The following LSS variants were observed in gnomAD, a reference collection of about 807,000 sequenced individuals.
LSS encodes the protein 2,3-epoxysqualene-lanosterol cyclase.
Under a neutral mutation model 110.3 loss-of-function variants are expected in LSS, and 90 were observed. The ratio of observed to expected loss-of-function variants is 0.82; its 90% confidence interval spans 0.69 to 0.97. LSS has a LOEUF of 0.97. LSS is among the 50% of genes least tolerant of loss of function. LSS has a pLI of 0.00. For missense variants in LSS, 927 were observed against 990.0 expected (o/e 0.94, Z 0.85); for synonymous variants, 433 against 400.0 (o/e 1.08, Z -0.98).
rs749141857 is a variant in LSS, at chr21:46,213,822, A to G, written c.1025T>C (p.Ile342Thr). 1.2e-6 allele frequency: 2 copies of G among 1,613,716 alleles called. No homozygotes were observed. The highest frequency in any genetic ancestry group is 4.5e-5 in the East Asian group (2 of 44,858). The change falls in exon 10 of 22, where the codon ATC (isoleucine) becomes ACC (threonine). Residue 342 changes from isoleucine (I) to threonine (T), a missense_variant. Coordinates refer to ENST00000397728, the MANE Select transcript of LSS (RefSeq NM_002340.6). Reference sequence around the variant, plus strand: ...CACATACCAGCGCACAAGCATGTTGATGGTTTTCGAGATCTGCAGGAGAGA... The same window carrying G: ...CACATACCAGCGCACAAGCATGTTGGTGGTTTTCGAGATCTGCAGGAGAGA... ...SISIGPISKT[I>T]NMLVRWYVDG...
intron 3 of LSS, among the ~76,000 whole-genome samples, chr21:46,226,340 G>A (rs567496234): frequency 2.0e-5 from 3 of 152,308 alleles, no homozygotes; most frequent in African/African-American, 7.2e-5. Context: ...GGCAAAGTGG[G>A]GCTGACCCAT....
chr21:46,223,543 C>A (rs1315323578), intron 3 of LSS, among the ~76,000 whole-genome samples: 1 of 152,110 alleles, frequency 6.6e-6, no homozygotes, highest in Non-Finnish European at 1.5e-5. Context: ...GGCAAGAGAC[C>A]GAGGACACGA....
At chr21:46,220,440 A>T (rs2080261132) in intron 5 of LSS, 1 of 152,352 alleles carries the variant, frequency 6.6e-6, no homozygotes, top group African/African-American at 2.4e-5. Context: ...TCAAAGAAGG[A>T]ACACGTAAAG....
At chr21:46,211,029 C>G (rs1328851601) in intron 11 of LSS, among the ~76,000 whole-genome samples, 4 of 152,204 alleles carry the variant, frequency 2.6e-5, no homozygotes, top group Admixed American at 1.3e-4. Context: ...TAGGACTGGA[C>G]GATCCCTTAG....
intron 3 of LSS, among the ~76,000 whole-genome samples, chr21:46,223,856 G>C (rs7281075): frequency 0.05 from 7,661 of 152,254 alleles, 593 homozygotes; most frequent in African/African-American, 0.17. Context: ...GCCCGTTGCC[G>C]AGCGGACGGT....
At position 46,194,593 on chromosome 21, in the gene LSS, C is replaced by G. The variant is rs774239538; in HGVS notation, c.1886G>C (p.Trp629Ser). 14 of 1,613,870 alleles carry G rather than the reference C, an allele frequency of 8.7e-6. No homozygotes were observed. The South Asian group carries it at 1.5e-4, about 18-fold the overall frequency. ...CTCGCAGGACTCAAAGTCCTCCCCCCAGCCTCCGTCTGCCATCTGCCGGGA... is the reference window on the plus strand; with the variant it reads ...CTCGCAGGACTCAAAGTCCTCCCCCGAGCCTCCGTCTGCCATCTGCCGGGA... ...LLSRQMADGG[W>S]GEDFESCEER... The change falls in exon 20 of 22, where the codon TGG (tryptophan) becomes TCG (serine). Residue 629 changes from tryptophan (W) to serine (S), a missense_variant. Trp to Ser is a radical substitution (Grantham distance 177). Coordinates refer to ENST00000397728, the MANE Select transcript of LSS (RefSeq NM_002340.6).
At chr21:46,199,738 G>A (rs529304912) in intron 17 of LSS, among the ~76,000 whole-genome samples, 4 of 152,282 alleles carry the variant, frequency 2.6e-5, no homozygotes, top group Admixed American at 6.5e-5. Context: ...AGTGAAATAG[G>A]TCAGTCTGAA....
intron 5 of LSS, 168 bp downstream of exon 5, chr21:46,221,686 A>T: frequency 1.0e-6 from 1 of 959,332 alleles, no homozygotes; most frequent in East Asian, 2.6e-5. Flanking sequence ...TTAAAAAATG[A>T]TGCCTAGGTT....
chr21:46,191,735 C>G, intron 21 of LSS, 146 bp downstream of exon 21: 1 of 686,304 alleles, frequency 1.5e-6, no homozygotes, highest in Non-Finnish European at 2.6e-6. Context: ...AGACCTGCCA[C>G]CAACTGTGGC....
rs1441451568 is a variant in LSS at position 46,205,020 on chromosome 21, G to C, written c.1670+816C>G. On this transcript the variant is annotated intron_variant, in intron 17 of 21. Transcript: ENST00000397728. Reference sequence around the variant, plus strand: ...AAAGTAAAAAAATGTAATCGTGATAGGATAAAGAAGAACCTACAAAAATCA... The same window carrying C: ...AAAGTAAAAAAATGTAATCGTGATACGATAAAGAAGAACCTACAAAAATCA... Among the ~76,000 whole-genome samples the C allele has an allele frequency of 3.9e-5, 6 of 152,254 alleles. No homozygotes were observed. In the East Asian group the frequency reaches 1.2e-3, roughly 29 times the overall value.
At chr21:46,225,386 C>A (rs2080324856) in intron 3 of LSS, 15 of 453,324 alleles carry the variant, frequency 3.3e-5, no homozygotes, top group South Asian at 2.3e-4. Flanking sequence ...GCGGACCCAA[C>A]CGTGGTCTAG....
At chr21:46,206,798 G>T (rs756611853) in intron 15 of LSS, 30 bp from the exon 16 acceptor site, 1 of 1,563,270 alleles carries the variant, frequency 6.4e-7, no homozygotes, top group Non-Finnish European at 8.8e-7. Flanking sequence ...CCTAGAACTC[G>T]CCCATGTGCT....
At chr21:46,221,242 A>AG (rs1446707609) in intron 5 of LSS, among the ~76,000 whole-genome samples, 6 of 152,170 alleles carry the variant, frequency 3.9e-5, no homozygotes, top group Non-Finnish European at 8.8e-5. Context: ...TGCAAGCTCC[A>AG]GGGCTGCTCT....
intron 7 of LSS, 60 bp from the exon 8 acceptor site, chr21:46,215,853 C>T (rs1188425034): frequency 1.7e-6 from 2 of 1,177,656 alleles, no homozygotes; most frequent in East Asian, 2.5e-5. Flanking sequence ...CTGGCTCAAA[C>T]CAGGAGGGGT....
At chr21:46,221,011 C>T (rs1000671298) in intron 5 of LSS, among the ~76,000 whole-genome samples, 1 of 142,632 alleles carries the variant, frequency 7.0e-6, no homozygotes, top group Non-Finnish European at 1.5e-5. Context: ...CAGGCCGGGG[C>T]TTGGATAGGT....
chr21:46,212,255 G>A (rs939978031), intron 11 of LSS, among the ~76,000 whole-genome samples: 13 of 152,200 alleles, frequency 8.5e-5, no homozygotes, highest in Admixed American at 1.3e-4. Context: ...GCCCTGGGGC[G>A]GGCAGTGCTG....
intron 6 of LSS, among the ~76,000 whole-genome samples, chr21:46,218,782 G>C (rs2080238846): frequency 6.7e-6 from 1 of 150,096 alleles, no homozygotes; most frequent in Non-Finnish European, 1.5e-5. Context: ...CTGGAATATG[G>C]TGGCACGATC....
At chr21:46,196,064 G>T in intron 18 of LSS, 138 bp downstream of exon 18, 1 of 862,362 alleles carries the variant, frequency 1.2e-6, no homozygotes, top group Non-Finnish European at 1.8e-6. Context: ...TCCCCCAGAA[G>T]TCACGGGCTG....
intron 6 of LSS, among the ~76,000 whole-genome samples, chr21:46,217,423 T>C (rs1380215440): frequency 2.0e-5 from 3 of 152,132 alleles, no homozygotes; most frequent in Admixed American, 6.5e-5. Flanking sequence ...CCCATCCTTA[T>C]GTGATGCCTT....
Sources: allele counts gnomAD v4.1 joint callset (sites outside exome capture counted in the v4.1 genomes callset), GRCh38; gene constraint gnomAD v4.1.1; transcripts MANE v1.5; gene names NCBI Gene and HGNC (gene_info 2026-07-23, HGNC 2026-07-21).